The following HPS5 variants were observed in gnomAD, a reference collection of about 807,000 sequenced individuals.
HPS5 encodes HPS5 biogenesis of lysosomal organelles complex 2 subunit 2, also known as BLOC-2 complex member HPS5.
A neutral mutation model predicts 128.0 loss-of-function variants in HPS5; 83 were observed. The ratio of observed to expected loss-of-function variants is 0.65; its 90% CI spans 0.54 to 0.78. HPS5 has a LOEUF of 0.78. Among genes scored for constraint, HPS5 ranks in the 30% least tolerant of loss-of-function variants. HPS5 has a pLI of 0.00. For synonymous variants in HPS5, 475 were observed against 470.2 expected (o/e 1.01, Z -0.13); for missense variants, 1,281 against 1,326.2 (o/e 0.97, Z 0.53).
chr11:18,280,837 A>G lies in HPS5; in HGVS notation c.3330-895T>C, dbSNP rs1316446929. 7.9e-5 allele frequency among the ~76,000 whole-genome samples: 12 copies of G among 152,322 alleles called. No homozygotes were observed. The East Asian group carries it at 2.3e-3, about 29-fold the overall frequency. ...ACTGAGATGAGGTATGTAGAATAGTAAAATTAATAAAAACAGAAAGTAGAA... is the reference window on the plus strand; with the variant it reads ...ACTGAGATGAGGTATGTAGAATAGTGAAATTAATAAAAACAGAAAGTAGAA... On this transcript the variant is annotated intron_variant, in intron 22 of 22. Coordinates refer to ENST00000349215, the MANE Select transcript of HPS5 (RefSeq NM_181507.2).
At chr11:18,287,049 C>T in intron 18 of HPS5, 1 of 521,694 alleles carries the variant, frequency 1.9e-6, no homozygotes, top group Admixed American at 3.7e-5. Flanking sequence ...GCCACTGCAT[C>T]CAGCCTGGGC....
chr11:18,309,123 C>T (rs546676892), intron 5 of HPS5, 44 bp from the exon 6 acceptor site: 1 of 1,556,406 alleles, frequency 6.4e-7, no homozygotes, highest in East Asian at 2.3e-5. Context: ...TTAATCATAA[C>T]ATACACATGC....
At chr11:18,298,535 G>A (rs1011046479) in intron 10 of HPS5, among the ~76,000 whole-genome samples, 7 of 152,008 alleles carry the variant, frequency 4.6e-5, no homozygotes, top group African/African-American at 1.2e-4. Flanking sequence ...TACCATATAC[G>A]CAATTATCCC....
In HPS5 at chr11:18,278,933, G is replaced by A. The variant is rs1424777712; in HGVS notation, c.*949C>T. 2 of 152,366 alleles carry A rather than the reference G, an allele frequency of 1.3e-5. No individual in the cohort carries two copies. Among genetic ancestry groups the A allele is most frequent in the Admixed American group, 6.5e-5 (1 of 15,286 alleles). 9.4% of individuals were successfully genotyped at this position (152,366 alleles called of 1,614,324 possible). ...TTAGAAATAATTTTAAAAAGTGCATGATTCTTGTGGGCTACTCTGTTTAGG... is the reference window on the plus strand; with the variant it reads ...TTAGAAATAATTTTAAAAAGTGCATAATTCTTGTGGGCTACTCTGTTTAGG... On this transcript the variant is annotated 3_prime_UTR_variant, in exon 23 of 23. Transcript: ENST00000349215.
chr11:18,296,645 G>A (rs1861103598), intron 12 of HPS5, 153 bp downstream of exon 12: 1 of 801,148 alleles, frequency 1.2e-6, no homozygotes, highest in Non-Finnish European at 2.2e-6. Flanking sequence ...TCTAGTAGGG[G>A]GCAGATCTGT....
intron 18 of HPS5, chr11:18,287,054 C>T (rs1859837709): frequency 1.9e-6 from 1 of 520,764 alleles, no homozygotes; most frequent in African/African-American, 1.9e-5. Context: ...TGCATCCAGC[C>T]TGGGCAACAT....
intron 16 of HPS5, among the ~76,000 whole-genome samples, chr11:18,288,223 G>A (rs151130035): frequency 7.0e-4 from 106 of 152,230 alleles, no homozygotes; most frequent in Middle Eastern, 6.8e-3. Flanking sequence ...TAATTGGGAG[G>A]CAAAGCATAT....
intron 9 of HPS5, 99 bp from the exon 10 acceptor site, chr11:18,299,069 A>G (rs1330820938): frequency 1.7e-6 from 2 of 1,181,698 alleles, no homozygotes; most frequent in African/African-American, 3.0e-5. Flanking sequence ...TTTCTTACGT[A>G]GGGTTTGGCT....
rs138763524 is a variant in HPS5, at chr11:18,314,530, A to AAAATAAATAAATAAAT, written c.109-2522_109-2507dup. The AAAATAAATAAATAAAT allele has an allele frequency of 6.6e-5, 10 of 151,278 alleles. No homozygotes were observed. In the South Asian group the frequency reaches 1.1e-3, roughly 16 times the overall value. The allele number at this position is 151,278 out of a possible 1,614,324, so 9.4% of individuals were successfully genotyped here. A position where few individuals can be genotyped will look rare whatever the true frequency, so the allele number is the denominator to read the frequency against. ...GGCAACAGAGCAAGACTACATCTCA[A>AAAATAAATAAATAAAT]AAATAAATAAATAAATAAATAAATA... is the stretch of plus-strand genomic sequence containing the variant. On this transcript the variant is annotated intron_variant, in intron 2 of 22. Coordinates refer to ENST00000349215, the MANE Select transcript of HPS5 (RefSeq NM_181507.2).
Position 18,279,520 on chromosome 11 carries a change from C to T in HPS5, c.*362G>A, listed in dbSNP as rs148862838. ...CAGGATGAAAAGCTTCTGCTCCCAACATGGAAGCCACAGTAAGAAAAGAAT... is the reference window on the plus strand; with the variant it reads ...CAGGATGAAAAGCTTCTGCTCCCAATATGGAAGCCACAGTAAGAAAAGAAT... On this transcript the variant is annotated 3_prime_UTR_variant, in exon 23 of 23. Coordinates refer to ENST00000349215, the MANE Select transcript of HPS5 (RefSeq NM_181507.2). 4.7e-4 allele frequency: 121 copies of T among 256,374 alleles called. 2 individuals are homozygous for T. The East Asian group carries it at 0.011, about 23-fold the overall frequency. 15.9% of individuals were successfully genotyped at this position (256,374 alleles called of 1,614,324 possible). A position where few individuals can be genotyped will look rare whatever the true frequency, so the allele number is the denominator to read the frequency against.
chr11:18,292,857 C>G (rs199631814), intron 15 of HPS5, 42 bp downstream of exon 15: 1 of 1,408,820 alleles, frequency 7.1e-7, no homozygotes, highest in East Asian at 2.3e-5. Context: ...GTTTACTAAA[C>G]TGCCTTGAGA....
At chr11:18,294,987 A>AT in intron 14 of HPS5, 33 bp downstream of exon 14, 1 of 1,612,750 alleles carries the variant, frequency 6.2e-7, no homozygotes, top group Non-Finnish European at 8.5e-7. Context: ...TGGATTCCCT[A>AT]GAATGTATAG....
At chr11:18,309,821 C>T (rs755474275) in intron 5 of HPS5, among the ~76,000 whole-genome samples, 2 of 152,000 alleles carry the variant, frequency 1.3e-5, no homozygotes, top group Non-Finnish European at 2.9e-5. Flanking sequence ...GGCAACATGG[C>T]GAAACCCTGT....
chr11:18,282,548 A>T (rs546500729), intron 21 of HPS5, among the ~76,000 whole-genome samples: 1 of 152,072 alleles, frequency 6.6e-6, no homozygotes, highest in East Asian at 1.9e-4. Context: ...GATTACAGGC[A>T]TGAGCTACCA....
chr11:18,305,811 C>T (rs896022744), intron 7 of HPS5, among the ~76,000 whole-genome samples: 2 of 150,692 alleles, frequency 1.3e-5, no homozygotes, highest in African/African-American at 4.9e-5. Flanking sequence ...TGGCTCACTG[C>T]AAGCTCCGCC....
chr11:18,313,253 C>G (rs144507546), intron 2 of HPS5, among the ~76,000 whole-genome samples: 112 of 152,138 alleles, frequency 7.4e-4, no homozygotes, highest in African/African-American at 2.6e-3. Context: ...GCAGTCTGAG[C>G]TATGTGAAGT....
chr11:18,282,258 T>G, intron 21 of HPS5, 38 bp from the exon 22 acceptor site: 1 of 1,611,318 alleles, frequency 6.2e-7, no homozygotes, highest in South Asian at 1.1e-5. Flanking sequence ...TGACCACTCT[T>G]AGCACACTGA....
intron 19 of HPS5, among the ~76,000 whole-genome samples, chr11:18,285,673 G>T (rs1859616180): frequency 6.6e-6 from 1 of 152,076 alleles, no homozygotes; most frequent in African/African-American, 2.4e-5. Flanking sequence ...AAAAGCAAAA[G>T]AAATAAATTC....
intron 2 of HPS5, among the ~76,000 whole-genome samples, chr11:18,312,774 G>A (rs941460593): frequency 2.6e-5 from 4 of 152,206 alleles, no homozygotes; most frequent in African/African-American, 9.7e-5. Context: ...TAAGACTGGA[G>A]ACAGGACACA....
Sources: gnomAD v4.1 joint callset for allele counts (sites outside exome capture counted in the v4.1 genomes callset) on GRCh38, gnomAD v4.1.1 for gene constraint, MANE v1.5 for transcripts, NCBI Gene and HGNC (gene_info 2026-07-23, HGNC 2026-07-21) for gene names.